CABIN1: variants seen among roughly 807,000 people sequenced by gnomAD.
CABIN1 encodes the protein calcineurin-binding protein cabin-1.
Under a neutral mutation model 227.7 loss-of-function variants are expected in CABIN1, and 133 were observed. That is an observed-to-expected ratio of 0.58 (90% CI 0.51 to 0.67). CABIN1 has a LOEUF of 0.67. CABIN1 is among the 30% of genes least tolerant of loss of function. The pLI is 0.00. For missense variants in CABIN1, 2,408 were observed against 2,852.5 expected (o/e 0.84, Z 3.55); for synonymous variants, 1,086 against 1,155.1 (o/e 0.94, Z 1.21).
intron 28 of CABIN1, among the ~76,000 whole-genome samples, chr22:24,126,313 A>T (rs1247305572): frequency 6.6e-6 from 1 of 152,192 alleles, no homozygotes; most frequent in Non-Finnish European, 1.5e-5. Flanking sequence ...TCGAGGTGTG[A>T]TTGTGACTAT....
At chr22:24,163,703 A>T (rs909847923) in intron 29 of CABIN1, among the ~76,000 whole-genome samples, 1 of 152,208 alleles carries the variant, frequency 6.6e-6, no homozygotes, top group Non-Finnish European at 1.5e-5. Context: ...TAGGTGTCAG[A>T]TGCCATGCTG....
chr22:24,020,223 G>A (rs932471347), intron 1 of CABIN1, among the ~76,000 whole-genome samples: 24 of 152,152 alleles, frequency 1.6e-4, no homozygotes, highest in African/African-American at 5.6e-4. Flanking sequence ...AATTTTGTCA[G>A]ACTTTCCCTT....
intron 25 of CABIN1, 99 bp from the exon 26 acceptor site, chr22:24,097,915 G>A: frequency 2.7e-6 from 4 of 1,473,854 alleles, no homozygotes; most frequent in Admixed American, 1.7e-5. Flanking sequence ...GTGCATGGGA[G>A]CAGTGGGCCC....
chr22:24,069,148 A>G (rs375746999), intron 16 of CABIN1, among the ~76,000 whole-genome samples: 11 of 152,286 alleles, frequency 7.2e-5, no homozygotes, highest in South Asian at 4.1e-4. Flanking sequence ...CAAGCTGCCT[A>G]TTATGTTCTT....
At chr22:24,050,798 A>C in intron 7 of CABIN1, 27 bp from the exon 8 acceptor site, 1 of 1,614,004 alleles carries the variant, frequency 6.2e-7, no homozygotes, top group Non-Finnish European at 8.5e-7. Context: ...TAACATGATA[A>C]TTTCTCCCTG....
rs752936187 is a variant in CABIN1, at chr22:24,064,125, C to T, written c.1975C>T (p.Arg659Ter). Residue 659 changes from arginine (R) to a stop codon, truncating the protein, a stop_gained, in exon 15 of 37, where the codon CGA (arginine) becomes TGA (stop). Transcript: ENST00000263119. LOFTEE classifies it high-confidence loss of function. ...CATCCAGGTGGAGGCAGGGGCTGAA[C>T]GAAGAGACATTGTCATCCGGCTGCC... ...TAIQVEAGAE[R>*]RDIVIRLPNL... 8.7e-6 allele frequency: 14 copies of T among 1,614,046 alleles called. No homozygotes were observed. The highest frequency in any genetic ancestry group is 5.0e-5 in the Admixed American group (3 of 60,002).
chr22:24,024,327 C>G (rs1428724216), intron 1 of CABIN1, among the ~76,000 whole-genome samples: 1 of 151,922 alleles, frequency 6.6e-6, no homozygotes, highest in Non-Finnish European at 1.5e-5. Flanking sequence ...TCTATTTTTC[C>G]TTTTGTTTCC....
chr22:24,046,689 A>T (rs903454536), intron 6 of CABIN1, among the ~76,000 whole-genome samples: 1 of 152,178 alleles, frequency 6.6e-6, no homozygotes, highest in Non-Finnish European at 1.5e-5. Context: ...GATTTATTGT[A>T]AGGAATTGGC....
intron 19 of CABIN1, among the ~76,000 whole-genome samples, chr22:24,077,374 T>C (rs143185793): frequency 6.6e-6 from 1 of 152,294 alleles, no homozygotes; most frequent in Non-Finnish European, 1.5e-5. Flanking sequence ...TTAATAAATA[T>C]GGGTTAAAGG....
intron 29 of CABIN1, among the ~76,000 whole-genome samples, chr22:24,162,886 A>T (rs182882159): frequency 6.6e-6 from 1 of 152,210 alleles, no homozygotes; most frequent in Non-Finnish European, 1.5e-5. Context: ...GTTGGTGTCT[A>T]TGTGCCCTGG....
At chr22:24,022,744 GT>G (rs2035815031) in intron 1 of CABIN1, among the ~76,000 whole-genome samples, 2 of 152,156 alleles carry the variant, frequency 1.3e-5, no homozygotes, top group South Asian at 4.1e-4. Flanking sequence ...GGCATTATCA[GT>G]TTTTAAAAAA....
Position 24,042,822 on chromosome 22 carries a change from G to C in CABIN1, c.346-82G>C, listed in dbSNP as rs1335146594. 338 of 352,314 alleles carry C rather than the reference G, an allele frequency of 9.6e-4. 1 individual carries two copies. The highest frequency in any genetic ancestry group is 8.7e-3 in the East Asian group (192 of 22,064). 21.8% of individuals were successfully genotyped at this position (352,314 alleles called of 1,614,324 possible). ...CATATTCAAGGAGAGATCTGACTGT[G>C]TGTGTGTGTGTGTGTGTGTGTGTGT... On this transcript the variant is annotated intron_variant, in intron 5 of 36. Coordinates refer to ENST00000263119, the MANE Select transcript of CABIN1 (RefSeq NM_012295.4).
Position 24,087,459 on chromosome 22 carries a change from T to G in CABIN1, c.3271T>G (p.Ser1091Ala), listed in dbSNP as rs2041242209. The change falls in exon 23 of 37, where the codon TCC becomes GCC. Residue 1091 changes from serine to alanine, a missense_variant. Ser to Ala is a moderately conservative substitution (Grantham distance 99). This residue lies in a region of CABIN1 where 649 missense variants were observed against 910.3 expected (regional missense o/e 0.71). Transcript: ENST00000263119. ...DICICPNRFD[S>A]WAGMALARAS... The stretch of plus-strand genomic sequence containing the variant: ...CTTTTGTTACCACCACAGGTTTGAT[T>G]CCTGGGCAGGCATGGCTCTGGCCCG... 3 of 1,613,926 alleles carry G rather than the reference T, an allele frequency of 1.9e-6. No individual in the cohort carries two copies. In the South Asian group the frequency reaches 3.3e-5, roughly 18 times the overall value.
intron 1 of CABIN1, among the ~76,000 whole-genome samples, chr22:24,012,330 C>A (rs1340268474): frequency 6.6e-6 from 1 of 151,636 alleles, no homozygotes; most frequent in Non-Finnish European, 1.5e-5. Context: ...GATTTTTTTT[C>A]CCAAATATGA....
In CABIN1 at chr22:24,087,684, G is replaced by A; in HGVS notation, c.3496G>A (p.Gly1166Ser). ...FASRQLKQWR[G>S]ELPPELVQQM... ...CTCACGTCAATTGAAGCAGTGGAGA[G>A]GCGAGCTGCCCCCTGAGCTCGTGCA... Residue 1166 changes from glycine (G) to serine (S), a missense_variant, in exon 23 of 37, where the codon GGC (glycine) becomes AGC (serine). Physicochemically the swap from Gly to Ser is moderately conservative, Grantham distance 56. Transcript: ENST00000263119. 6.2e-7 allele frequency: 1 copy of A among 1,614,072 alleles called. No homozygotes were observed. The highest frequency in any genetic ancestry group is 1.3e-5 in the African/African-American group (1 of 75,056).
Position 24,176,155 on chromosome 22 carries a change from C to T in CABIN1, c.6085C>T (p.Pro2029Ser). The T allele has an allele frequency of 6.2e-7, 1 of 1,611,092 alleles. No individual in the cohort carries two copies. The highest frequency in any genetic ancestry group is 1.1e-5 in the South Asian group (1 of 90,630). Residue 2029 changes from proline to serine, a missense_variant, in exon 35 of 37, where the codon CCT (proline) becomes TCT (serine). This residue lies in a region of CABIN1 where 714 missense variants were observed against 773.8 expected (regional missense o/e 0.92). Coordinates refer to ENST00000263119, the MANE Select transcript of CABIN1 (RefSeq NM_012295.4). ...AGTGGCAGAGGGCACCAGCTTCCCG[C>T]CTCAGGAGCCACGGCACAGTCCGCA... ...ARVAEGTSFP[P>S]QEPRHSPQVK...
chr22:24,022,039 A>G (rs1027891618), intron 1 of CABIN1, among the ~76,000 whole-genome samples: 1 of 152,158 alleles, frequency 6.6e-6, no homozygotes, highest in Non-Finnish European at 1.5e-5. Flanking sequence ...GTTACATTTA[A>G]TACTTTTGGG....
At position 24,167,042 on chromosome 22, in the gene CABIN1, T is replaced by G; in HGVS notation, c.5411T>G (p.Ile1804Ser). 1 of 1,548,188 alleles carries G rather than the reference T, an allele frequency of 6.5e-7. No homozygotes were observed. The change falls in exon 32 of 37, where the codon ATC (isoleucine) becomes AGC (serine). Residue 1804 changes from isoleucine to serine, a missense_variant. Ile to Ser is a moderately radical substitution (Grantham distance 142, BLOSUM62 -2). Around this residue, in one of 3 missense-constraint regions of CABIN1, gnomAD observed 714 missense variants for 773.8 expected, o/e 0.92. Coordinates refer to ENST00000263119, the MANE Select transcript of CABIN1 (RefSeq NM_012295.4). ...PTELSLEELS[I>S]SARQQPTPLT... is the part of the protein sequence containing the mutation. ...GAGCTGTCCCTGGAGGAGCTGAGCA[T>G]CAGTGCCCGGCAGCAGCCCACCCCG...
intron 8 of CABIN1, among the ~76,000 whole-genome samples, chr22:24,051,775 C>T (rs1331389387): frequency 6.6e-6 from 1 of 151,966 alleles, no homozygotes; most frequent in Non-Finnish European, 1.5e-5. Context: ...ACGGGGAGAG[C>T]AACATCTCTC....
Sources: gnomAD v4.1 joint callset for allele counts (sites outside exome capture counted in the v4.1 genomes callset) on GRCh38, gnomAD v4.1.1 for gene constraint, gnomAD v4.1.1 regional missense constraint, MANE v1.5 for transcripts, NCBI Gene and HGNC (gene_info 2026-07-23, HGNC 2026-07-21) for gene names.